Variants in MYO3B observed in about 807,000 individuals in gnomAD.
MYO3B encodes myosin IIIB, also known as myosin-IIIb.
Under a neutral mutation model 174.6 loss-of-function variants are expected in MYO3B, and 156 were observed. The observed-to-expected ratio is 0.89, with a 90% CI of 0.78 to 1.02. The LOEUF is 1.02. Among genes scored for constraint, MYO3B ranks in the 50% least tolerant of loss-of-function variants. MYO3B has a pLI of 0.00. For synonymous variants in MYO3B, 563 were observed against 569.1 expected (o/e 0.99, Z 0.15); for missense variants, 1,632 against 1,639.4 (o/e 1.00, Z 0.08).
At chr2:170,228,936 T>C (rs1348692056) in intron 6 of MYO3B, among the ~76,000 whole-genome samples, 1 of 144,332 alleles carries the variant, frequency 6.9e-6, no homozygotes, top group Non-Finnish European at 1.5e-5. Context: ...TCAATTTCAG[T>C]TCATCTAGTC....
intron 9 of MYO3B, among the ~76,000 whole-genome samples, chr2:170,374,982 C>T (rs959003776): frequency 2.6e-5 from 4 of 152,118 alleles, no homozygotes; most frequent in African/African-American, 9.7e-5. Flanking sequence ...TACAATAGAG[C>T]AGTTATTAAT....
chr2:170,636,345 A>G (rs1438893799), intron 32 of MYO3B, among the ~76,000 whole-genome samples: 1 of 152,058 alleles, frequency 6.6e-6, no homozygotes, highest in Non-Finnish European at 1.5e-5. Flanking sequence ...GCCACGCTGG[A>G]AATAACATAA....
chr2:170,403,522 C>T (rs535158486), intron 19 of MYO3B, among the ~76,000 whole-genome samples: 1 of 152,248 alleles, frequency 6.6e-6, no homozygotes, highest in South Asian at 2.1e-4. Flanking sequence ...CTAGTGGACC[C>T]AAGGGATGGG....
In MYO3B at chr2:170,653,441, A is replaced by AC. The variant is rs1699131139; in HGVS notation, c.*324dup. ...GTCTAGGAAGATAACAGCCAGTCTC[A>AC]CCCCAGTCTAATCATGGACCCTGAT... On this transcript the variant is annotated 3_prime_UTR_variant, in exon 35 of 35. Transcript: ENST00000408978. The AC allele has an allele frequency of 6.9e-6, 2 of 290,662 alleles. No individual in the cohort carries two copies. The highest frequency in any genetic ancestry group is 1.2e-4 in the East Asian group (2 of 16,836). The allele number at this position is 290,662 out of a possible 1,614,324, so 18.0% of individuals were successfully genotyped here.
chr2:170,427,035 A>T (rs114454295), intron 22 of MYO3B, among the ~76,000 whole-genome samples: 1 of 152,088 alleles, frequency 6.6e-6, no homozygotes, highest in East Asian at 1.9e-4. Flanking sequence ...AAAAGAAAAG[A>T]AATAGATACT....
chr2:170,276,057 G>A (rs1008958190), intron 7 of MYO3B, among the ~76,000 whole-genome samples: 17 of 152,120 alleles, frequency 1.1e-4, no homozygotes, highest in Non-Finnish European at 5.9e-5. Flanking sequence ...GTCACCTCCT[G>A]GAAGCAATCA....
At chr2:170,635,791 G>C (rs747275285) in intron 32 of MYO3B, among the ~76,000 whole-genome samples, 6 of 152,000 alleles carry the variant, frequency 3.9e-5, no homozygotes, top group Non-Finnish European at 7.4e-5. Flanking sequence ...GGGGAAGGAG[G>C]AGGAGATATC....
At position 170,524,608 on chromosome 2, in the gene MYO3B, C is replaced by A. The variant is rs139623717; in HGVS notation, c.3575+5068C>A. 7.8e-6 allele frequency: 3 copies of A among 382,464 alleles called. No homozygotes were observed. In the East Asian group the frequency reaches 2.6e-4, roughly 33 times the overall value. The allele number at this position is 382,464 out of a possible 1,614,324, so 23.7% of individuals were successfully genotyped here. ...AAGTGATTCTCCTGCCTCAGCCTCC[C>A]GAGTAGCTGGGATTACAGGTGCGTG... On this transcript the variant is annotated intron_variant, in intron 30 of 34. Transcript: ENST00000408978.
chr2:170,550,446 T>C (rs1443327127), intron 32 of MYO3B, among the ~76,000 whole-genome samples: 2 of 152,200 alleles, frequency 1.3e-5, no homozygotes, highest in Admixed American at 1.3e-4. Context: ...ATTCGTATTG[T>C]TATCAAGTTT....
At chr2:170,235,199 A>G (rs921398157) in intron 6 of MYO3B, among the ~76,000 whole-genome samples, 14 of 152,166 alleles carry the variant, frequency 9.2e-5, no homozygotes, top group African/African-American at 2.2e-4. Flanking sequence ...TTTAGGTCAA[A>G]TAGGAGTTCC....
chr2:170,645,835 A>G (rs1421778686), intron 32 of MYO3B, among the ~76,000 whole-genome samples: 1 of 152,296 alleles, frequency 6.6e-6, no homozygotes. Flanking sequence ...TTCTTTTTCC[A>G]AGTTTTGAAT....
At chr2:170,398,286 G>A (rs1315161996) in intron 16 of MYO3B, among the ~76,000 whole-genome samples, 1 of 148,480 alleles carries the variant, frequency 6.7e-6, no homozygotes, top group Non-Finnish European at 1.5e-5. Context: ...TGGAAAAAAT[G>A]CATATGGCAA....
chr2:170,343,610 G>A (rs2105570198), intron 8 of MYO3B: 1 of 152,378 alleles, frequency 6.6e-6, no homozygotes, highest in Non-Finnish European at 1.5e-5. Flanking sequence ...GACACTGAGA[G>A]GCAGAATCCA....
At chr2:170,644,097 C>T (rs757143572) in intron 32 of MYO3B, among the ~76,000 whole-genome samples, 37 of 152,244 alleles carry the variant, frequency 2.4e-4, no homozygotes, top group Middle Eastern at 3.4e-3. Flanking sequence ...ACGACAAAAG[C>T]CTCATTTGTG....
chr2:170,527,452 A>T (rs1018204252), intron 30 of MYO3B, among the ~76,000 whole-genome samples: 3 of 152,232 alleles, frequency 2.0e-5, no homozygotes, highest in African/African-American at 7.2e-5. Flanking sequence ...AATAGATTTC[A>T]TGTCATTCGG....
chr2:170,288,262 A>G (rs1303014061), intron 7 of MYO3B, among the ~76,000 whole-genome samples: 1 of 151,546 alleles, frequency 6.6e-6, no homozygotes, highest in East Asian at 1.9e-4. Flanking sequence ...TCTGTGAAGA[A>G]TGTCATTGGT....
chr2:170,567,613 G>A (rs6747470), intron 32 of MYO3B, among the ~76,000 whole-genome samples: 21,254 of 152,136 alleles, frequency 0.14, 2,726 homozygotes, highest in African/African-American at 0.34. Context: ...TTCAGTCTTT[G>A]GCTGAAGTTG....
At chr2:170,497,003 T>A (rs1003353368) in intron 25 of MYO3B, among the ~76,000 whole-genome samples, 1 of 152,114 alleles carries the variant, frequency 6.6e-6, no homozygotes, top group Non-Finnish European at 1.5e-5. Flanking sequence ...ACCCTTTTGG[T>A]AACGATGGAG....
At chr2:170,538,318 C>T (rs985286262) in intron 30 of MYO3B, among the ~76,000 whole-genome samples, 6 of 152,216 alleles carry the variant, frequency 3.9e-5, no homozygotes, top group Non-Finnish European at 8.8e-5. Context: ...AAATCACACT[C>T]GCATTGTACA....
Sources: allele counts gnomAD v4.1 joint callset (sites outside exome capture counted in the v4.1 genomes callset), GRCh38; gene constraint gnomAD v4.1.1; transcripts MANE v1.5; gene names NCBI Gene and HGNC (gene_info 2026-07-23, HGNC 2026-07-21).